Variants in FBXO38 observed in about 807,000 individuals in gnomAD.
FBXO38 encodes F-box only protein 38.
A neutral mutation model predicts 131.9 loss-of-function variants in FBXO38; 53 were observed. That is an observed-to-expected ratio of 0.40 (90% CI 0.32 to 0.51). FBXO38 has a LOEUF of 0.51. FBXO38 is among the 20% of genes least tolerant of loss of function. The pLI, the probability that FBXO38 is intolerant of heterozygous loss-of-function variation, is 0.53. For missense variants in FBXO38, 1,076 were observed against 1,475.6 expected (o/e 0.73, Z 4.44); for synonymous variants, 452 against 505.6 (o/e 0.89, Z 1.42).
At chr5:148,424,789 C>G (rs1315340105) in intron 13 of FBXO38, among the ~76,000 whole-genome samples, 2 of 152,130 alleles carry the variant, frequency 1.3e-5, no homozygotes, top group African/African-American at 2.4e-5. Context: ...GATGCAGTCA[C>G]TCATTCAACA....
chr5:148,417,887 A>G (rs1244813931), intron 12 of FBXO38, among the ~76,000 whole-genome samples: 1 of 152,146 alleles, frequency 6.6e-6, no homozygotes, highest in Non-Finnish European at 1.5e-5. Context: ...TTTTCTAGCC[A>G]TCCTTTTGTT....
chr5:148,421,076 C>T (rs942597526), intron 12 of FBXO38, among the ~76,000 whole-genome samples: 4 of 151,912 alleles, frequency 2.6e-5, no homozygotes, highest in Non-Finnish European at 5.9e-5. Context: ...AAGCGATTCT[C>T]CTGCCTCAGC....
chr5:148,387,733 C>G (rs1757990203), intron 1 of FBXO38, among the ~76,000 whole-genome samples: 2 of 139,546 alleles, frequency 1.4e-5, no homozygotes, highest in South Asian at 2.3e-4. Context: ...AGCTCTGTTA[C>G]CAGGCTCGAG....
At chr5:148,395,788 T>G (rs775255448) in intron 2 of FBXO38, among the ~76,000 whole-genome samples, 3 of 152,124 alleles carry the variant, frequency 2.0e-5, no homozygotes, top group Non-Finnish European at 4.4e-5. Flanking sequence ...TTTTTTTTAC[T>G]GCTTACTATT....
Position 148,438,331 on chromosome 5 carries a change from G to C in FBXO38, c.2858-1G>C. 1 of 1,613,176 alleles carries C rather than the reference G, an allele frequency of 6.2e-7. No homozygotes were observed. Among genetic ancestry groups the C allele is most frequent in the Non-Finnish European group, 8.5e-7 (1 of 1,179,508 alleles). ...AGCTTACCATTGTTTTCATTTTGTA[G>C]CTACCAGGTGCAGGGTACTAAAACA... On this transcript the variant is annotated splice_acceptor_variant, in intron 17 of 21. Coordinates refer to ENST00000340253, the MANE Select transcript of FBXO38 (RefSeq NM_205836.3). LOFTEE classifies it high-confidence loss of function.
intron 9 of FBXO38, among the ~76,000 whole-genome samples, chr5:148,412,678 C>G (rs1027428996): frequency 5.3e-5 from 8 of 152,020 alleles, no homozygotes; most frequent in Admixed American, 3.3e-4. Context: ...TGAGGCCTGT[C>G]TGCTACTAAT....
In FBXO38 at chr5:148,436,634, CAAAG is replaced by C. The variant is rs1427000029; in HGVS notation, c.2858-1694_2858-1691del. ...TATCTCCTACCATATTAGTAGTAAA[CAAAG>C]AAATCCCATTAAAAGGTATTTACCA... On this transcript the variant is annotated intron_variant, in intron 17 of 21. Coordinates refer to ENST00000340253, the MANE Select transcript of FBXO38 (RefSeq NM_205836.3). Among the ~76,000 whole-genome samples, 12 of 152,182 alleles carry C rather than the reference CAAAG, an allele frequency of 7.9e-5. No individual in the cohort carries two copies. The East Asian group carries it at 2.3e-3, about 29-fold the overall frequency.
At position 148,425,703 on chromosome 5, in the gene FBXO38, T is replaced by TGA; in HGVS notation, c.1918+5_1918+6dup. ...CAGTGCAGTCCAGAGAATTGTCAGG[T>TGA]GAGAAATTGTCTTTCTCTGAACTAT... On this transcript the variant is annotated splice_region_variant and intron_variant, in intron 14 of 21. Transcript: ENST00000340253. 6.2e-7 allele frequency: 1 copy of TGA among 1,611,958 alleles called. No homozygotes were observed. Among genetic ancestry groups the TGA allele is most frequent in the Non-Finnish European group, 8.5e-7 (1 of 1,178,994 alleles).
chr5:148,433,985 G>A, intron 17 of FBXO38: 1 of 276,556 alleles, frequency 3.6e-6, no homozygotes, highest in Non-Finnish European at 6.8e-6. Flanking sequence ...GCCTGATCTG[G>A]CAGAGTAAAT....
At chr5:148,420,275 A>G (rs1225849127) in intron 12 of FBXO38, among the ~76,000 whole-genome samples, 1 of 151,860 alleles carries the variant, frequency 6.6e-6, no homozygotes, top group African/African-American at 2.4e-5. Flanking sequence ...AACGCGTGAC[A>G]CCACTCTCAG....
rs140384684 is a variant in FBXO38 at position 148,402,904 on chromosome 5, C to CAG, written c.592+404_592+405dup. Among the ~76,000 whole-genome samples the CAG allele has an allele frequency of 1.7e-4, 25 of 150,972 alleles. No individual in the cohort carries two copies. In the East Asian group the frequency reaches 1.7e-3, roughly 11 times the overall value. On this transcript the variant is annotated intron_variant, in intron 5 of 21. Coordinates refer to ENST00000340253, the MANE Select transcript of FBXO38 (RefSeq NM_205836.3). ...TTCTGTATATATACACACACATACA[C>CAG]AGAGAGAGAGAGAGTATATGTGTTT...
chr5:148,410,082 G>A (rs974594897), intron 8 of FBXO38, among the ~76,000 whole-genome samples: 3 of 152,116 alleles, frequency 2.0e-5, no homozygotes, highest in Non-Finnish European at 4.4e-5. Flanking sequence ...ATACTCCTTT[G>A]AAGAAAATAT....
chr5:148,395,336 A>G (rs1758424836), intron 2 of FBXO38, among the ~76,000 whole-genome samples: 1 of 152,130 alleles, frequency 6.6e-6, no homozygotes, highest in South Asian at 2.1e-4. Flanking sequence ...CATGTAAGTG[A>G]TTGTAACTAA....
At chr5:148,406,236 A>C in intron 6 of FBXO38, 21 bp from the exon 7 acceptor site, 1 of 1,543,252 alleles carries the variant, frequency 6.5e-7, no homozygotes, top group Non-Finnish European at 8.7e-7. Flanking sequence ...TGTTCTATCA[A>C]AGATTTTTTT....
At chr5:148,411,893 A>G (rs1056400778) in intron 9 of FBXO38, among the ~76,000 whole-genome samples, 3 of 152,218 alleles carry the variant, frequency 2.0e-5, no homozygotes, top group Non-Finnish European at 4.4e-5. Flanking sequence ...ATGTCTGTAT[A>G]GTAACAAAAT....
Position 148,394,860 on chromosome 5 carries a change from C to T in FBXO38, c.84C>T (p.Asp28=), listed in dbSNP as rs753344233. ...AAATGACAGCAGATGAAACAAAGGA[C>T]TATATGAATCAACTTTCACATGAAG... ...PEEMTADETK[D]YMNQLSHEVL... The change falls in exon 2 of 22, where the codon GAC becomes GAT. Residue 28 remains aspartate, a synonymous_variant. Transcript: ENST00000340253. 3 of 1,599,666 alleles carry T rather than the reference C, an allele frequency of 1.9e-6. No individual in the cohort carries two copies. The highest frequency in any genetic ancestry group is 2.6e-6 in the Non-Finnish European group (3 of 1,173,652).
rs182134337 is a variant in FBXO38, at chr5:148,435,249, C to T, written c.2857+1512C>T. ...GGCTTTGGCTTAGGGAATGTTGTGG[C>T]TGGTTTGATTTGTCTAGACCACTCA... On this transcript the variant is annotated intron_variant, in intron 17 of 21. Coordinates refer to ENST00000340253, the MANE Select transcript of FBXO38 (RefSeq NM_205836.3). 5.6e-3 allele frequency among the ~76,000 whole-genome samples: 851 copies of T among 152,278 alleles called. 32 individuals are homozygous for T. The East Asian group carries it at 0.1, about 19-fold the overall frequency.
chr5:148,427,480 G>A lies in FBXO38; in HGVS notation c.2186G>A (p.Arg729Lys). 1 of 1,614,240 alleles carries A rather than the reference G, an allele frequency of 6.2e-7. No homozygotes were observed. The highest frequency in any genetic ancestry group is 1.1e-5 in the South Asian group (1 of 91,084). ...GCTTCTCAAAGCCCCGACTTTGTAA[G>A]GACGGTGAACAGCGGCGGCTCTTCC... is the stretch of plus-strand genomic sequence containing the variant. ...NTASQSPDFVRTVNSGGSSEP... is the reference protein window; with the variant it reads ...NTASQSPDFVKTVNSGGSSEP... Residue 729 changes from arginine to lysine, a missense_variant, in exon 15 of 22, where the codon AGG (arginine) becomes AAG (lysine). Arg to Lys is a conservative substitution (Grantham distance 26, BLOSUM62 2). Around this residue, in one of 8 missense-constraint regions of FBXO38, gnomAD observed 213 missense variants for 225.2 expected, o/e 0.95. Coordinates refer to ENST00000340253, the MANE Select transcript of FBXO38 (RefSeq NM_205836.3).
In FBXO38 at chr5:148,427,445, A is replaced by C. The variant is rs1273320430; in HGVS notation, c.2151A>C (p.Ser717=). 6.2e-7 allele frequency: 1 copy of C among 1,614,186 alleles called. No individual in the cohort carries two copies. The highest frequency in any genetic ancestry group is 8.5e-7 in the Non-Finnish European group (1 of 1,180,044). ...CCAGCACAGTGGGAAACTCCAGCTC[A>C]CACAACACTGCTTCTCAAAGCCCCG... is the stretch of plus-strand genomic sequence containing the variant. ...TTASTVGNSS[S]HNTASQSPDF... The change falls in exon 15 of 22, where the codon TCA becomes TCC. Residue 717 remains serine, a synonymous_variant. Transcript: ENST00000340253.
Sources: allele counts gnomAD v4.1 joint callset (sites outside exome capture counted in the v4.1 genomes callset), GRCh38; gene constraint gnomAD v4.1.1; regional missense constraint gnomAD v4.1.1; transcripts MANE v1.5; gene names NCBI Gene and HGNC (gene_info 2026-07-23, HGNC 2026-07-21).